PHTF1: variants seen among roughly 807,000 people sequenced by gnomAD.
PHTF1 encodes putative homeodomain transcription factor 1.
PHTF1 carries 88 observed loss-of-function variants against 102.4 expected under a neutral mutation model. That is an observed-to-expected ratio of 0.86 (90% CI 0.72 to 1.03). The LOEUF (loss-of-function observed/expected upper bound fraction) is 1.03, where lower values mean the gene tolerates loss of function less well. Among genes scored for constraint, PHTF1 ranks in the 50% least tolerant of loss-of-function variants. The pLI is 0.00. For synonymous variants in PHTF1, 289 were observed against 305.2 expected, an observed-to-expected ratio of 0.95 and a Z score of 0.55; for missense variants, 814 against 909.5, an observed-to-expected ratio of 0.89 and a Z score of 1.35.
chr1:113,706,382 G>A (rs1212891702), intron 12 of PHTF1, among the ~76,000 whole-genome samples: 1 of 151,972 alleles, frequency 6.6e-6, no homozygotes, highest in Non-Finnish European at 1.5e-5. Flanking sequence ...TGTTAATAGA[G>A]ACCAGGTATA....
At chr1:113,746,676 C>A (rs376996899) in intron 3 of PHTF1, among the ~76,000 whole-genome samples, 1 of 152,096 alleles carries the variant, frequency 6.6e-6, no homozygotes, top group African/African-American at 2.4e-5. Context: ...TACTCACATA[C>A]CTCTAAATCT....
At chr1:113,706,980 T>C (rs935604818) in intron 11 of PHTF1, among the ~76,000 whole-genome samples, 5 of 148,694 alleles carry the variant, frequency 3.4e-5, no homozygotes, top group Non-Finnish European at 5.9e-5. Context: ...GCAAGGACCA[T>C]AGGCACATAC....
At chr1:113,750,267 G>C (rs908765105) in intron 3 of PHTF1, among the ~76,000 whole-genome samples, 4 of 151,986 alleles carry the variant, frequency 2.6e-5, no homozygotes, top group Admixed American at 2.6e-4. Flanking sequence ...AGGCGTGAGC[G>C]ACCACGCATG....
At chr1:113,718,805 C>T (rs997014503) in intron 7 of PHTF1, among the ~76,000 whole-genome samples, 4 of 152,192 alleles carry the variant, frequency 2.6e-5, no homozygotes, top group Non-Finnish European at 5.9e-5. Context: ...CATGGGGACC[C>T]TGGGTCCGGC....
intron 15 of PHTF1, among the ~76,000 whole-genome samples, chr1:113,701,826 TAAAAAAAAAAA>T (rs34844793): frequency 2.1e-3 from 59 of 28,004 alleles, no homozygotes; most frequent in South Asian, 0.015. Flanking sequence ...CAATTCCTGG[TAAAAAAAAAAA>T]AAAAAAAAAA....
At chr1:113,739,023 T>A (rs1005895686) in intron 3 of PHTF1, among the ~76,000 whole-genome samples, 8 of 152,098 alleles carry the variant, frequency 5.3e-5, no homozygotes, top group African/African-American at 1.9e-4. Context: ...GGCTAATTTT[T>A]TGTATTTTTA....
At position 113,697,654 on chromosome 1, in the gene PHTF1, G is replaced by C. The variant is rs144286043; in HGVS notation, c.*51C>G. On this transcript the variant is annotated 3_prime_UTR_variant, in exon 19 of 19. Transcript: ENST00000369604. Reference sequence around the variant, plus strand: ...GGTTTCTGCAGTCATCACTTTCCTTGATAGGTAAGTTTTGATACCAGCCAG... The same window carrying C: ...GGTTTCTGCAGTCATCACTTTCCTTCATAGGTAAGTTTTGATACCAGCCAG... The C allele has an allele frequency of 2.7e-4, 367 of 1,359,034 alleles. 4 individuals are homozygous for C. The African/African-American group carries it at 4.4e-3, about 16-fold the overall frequency. 84.2% of individuals were successfully genotyped at this position (1,359,034 alleles called of 1,614,324 possible). A position where few individuals can be genotyped will look rare whatever the true frequency, so the allele number is the denominator to read the frequency against.
chr1:113,698,333 T>C lies in PHTF1; in HGVS notation c.2197A>G (p.Asn733Asp), dbSNP rs767404017. The C allele has an allele frequency of 6.2e-7, 1 of 1,608,100 alleles. No homozygotes were observed. Among genetic ancestry groups the C allele is most frequent in the Non-Finnish European group, 8.5e-7 (1 of 1,174,674 alleles). Residue 733 changes from asparagine (N) to aspartate (D), a missense_variant, in exon 18 of 19, where the codon AAT becomes GAT. Transcript: ENST00000369604. ...GAAAGGATAACTACTCTTGTGATATTGTAGATTAAGGGATTCATTGTCAGT... is the reference window on the plus strand; with the variant it reads ...GAAAGGATAACTACTCTTGTGATATCGTAGATTAAGGGATTCATTGTCAGT... ...YGLTMNPLIYNITRVVILSAV... is the reference protein window; with the variant it reads ...YGLTMNPLIYDITRVVILSAV...
At chr1:113,718,537 C>T (rs1652428425) in intron 7 of PHTF1, among the ~76,000 whole-genome samples, 1 of 152,226 alleles carries the variant, frequency 6.6e-6, no homozygotes, top group Admixed American at 6.5e-5. Context: ...TCCACACTAC[C>T]CTCACAGAGG....
At chr1:113,746,428 G>A in intron 3 of PHTF1, among the ~76,000 whole-genome samples, 1 of 152,210 alleles carries the variant, frequency 6.6e-6, no homozygotes, top group East Asian at 1.9e-4. Flanking sequence ...GTGGAAGTCT[G>A]TGGGGCCAGG....
intron 15 of PHTF1, among the ~76,000 whole-genome samples, chr1:113,701,606 C>A (rs559455832): frequency 6.6e-6 from 1 of 151,850 alleles, no homozygotes; most frequent in Non-Finnish European, 1.5e-5. Context: ...TCGCTTCCCC[C>A]AGGGCTACGT....
Position 113,697,099 on chromosome 1 carries a change from A to G in PHTF1, c.*606T>C, listed in dbSNP as rs1648892381. On this transcript the variant is annotated 3_prime_UTR_variant, in exon 19 of 19. Transcript: ENST00000369604. ...TTTGCCAACAACTATACAGTTATTAACCCAAAATCGTAAACGAACAAAACA... is the reference window on the plus strand; with the variant it reads ...TTTGCCAACAACTATACAGTTATTAGCCCAAAATCGTAAACGAACAAAACA... The G allele has an allele frequency of 6.6e-6, 1 of 152,460 alleles. No homozygotes were observed. The highest frequency in any genetic ancestry group is 2.4e-5 in the African/African-American group (1 of 41,470). The allele number at this position is 152,460 out of a possible 1,614,324, so 9.4% of individuals were successfully genotyped here.
chr1:113,703,972 TA>T, intron 15 of PHTF1, 108 bp downstream of exon 15: 2 of 566,676 alleles, frequency 3.5e-6, no homozygotes, highest in Non-Finnish European at 6.2e-6. Context: ...GTAAAAAATG[TA>T]GATGCATTAA....
At chr1:113,709,948 T>C (rs115740915) in intron 11 of PHTF1, among the ~76,000 whole-genome samples, 2,851 of 152,300 alleles carry the variant, frequency 0.019, 34 homozygotes, top group African/African-American at 0.025. Flanking sequence ...ATAAGGTATA[T>C]TCTCTATATG....
At chr1:113,721,378 A>T (rs933904341) in intron 7 of PHTF1, among the ~76,000 whole-genome samples, 2 of 152,234 alleles carry the variant, frequency 1.3e-5, no homozygotes, top group Non-Finnish European at 2.9e-5. Context: ...GTCAAGTCAC[A>T]TAACAGACCC....
At chr1:113,700,625 T>A (rs1649333517) in intron 16 of PHTF1, among the ~76,000 whole-genome samples, 169 bp downstream of exon 16, 1 of 152,190 alleles carries the variant, frequency 6.6e-6, no homozygotes, top group Admixed American at 6.5e-5. Flanking sequence ...AGATATTACA[T>A]CCATTTTATT....
chr1:113,698,602 T>C lies in PHTF1; in HGVS notation c.2143-215A>G, dbSNP rs1649061066. Among the ~76,000 whole-genome samples, 9 of 140,686 alleles carry C rather than the reference T, an allele frequency of 6.4e-5. No homozygotes were observed. The South Asian group carries it at 2.2e-3, about 34-fold the overall frequency. 92.3% of individuals were successfully genotyped at this position (140,686 alleles called of 152,430 possible). The stretch of plus-strand genomic sequence containing the variant: ...GTGGATTTGAGCAATATGTCATTTG[T>C]AGTTTTATATATATATATACACACA... On this transcript the variant is annotated intron_variant, in intron 17 of 18. Coordinates refer to ENST00000369604, the MANE Select transcript of PHTF1 (RefSeq NM_001323043.2).
At chr1:113,715,783 AT>A (rs1399297815) in intron 7 of PHTF1, among the ~76,000 whole-genome samples, 1 of 151,338 alleles carries the variant, frequency 6.6e-6, no homozygotes, top group Non-Finnish European at 1.5e-5. Context: ...AAAAAAAAAA[AT>A]CAAACAAATT....
At chr1:113,724,006 A>ATTTATAT (rs1653423313) in intron 7 of PHTF1, among the ~76,000 whole-genome samples, 1 of 152,216 alleles carries the variant, frequency 6.6e-6, no homozygotes, top group African/African-American at 2.4e-5. Context: ...AATGGTAAAC[A>ATTTATAT]GGTATGTGAA....
Sources: allele counts gnomAD v4.1 joint callset (sites outside exome capture counted in the v4.1 genomes callset), GRCh38; gene constraint gnomAD v4.1.1; transcripts MANE v1.5; gene names NCBI Gene and HGNC (gene_info 2026-07-23, HGNC 2026-07-21).